The following BANK1 variants were observed in gnomAD, a reference collection of about 807,000 sequenced individuals.
BANK1 encodes B-cell scaffold protein with ankyrin repeats.
A neutral mutation model predicts 94.5 loss-of-function variants in BANK1; 95 were observed. The observed-to-expected ratio is 1.00, with a 90% CI of 0.85 to 1.19. The LOEUF is 1.19. Ranked by LOEUF, BANK1 falls within the 50% of genes most tolerant of loss-of-function variation. The probability of loss-of-function intolerance (pLI) is 0.00; values close to 1 mark genes in which losing one functional copy is unlikely to be tolerated. For missense variants in BANK1, 987 were observed against 932.2 expected, an observed-to-expected ratio of 1.06 and a Z score of -0.77; for synonymous variants, 334 against 308.4, an observed-to-expected ratio of 1.08 and a Z score of -0.87.
In BANK1 at chr4:101,829,915, T is replaced by C. The variant is rs146402279; in HGVS notation, c.178T>C (p.Tyr60His). Residue 60 changes from tyrosine to histidine, a missense_variant, in exon 2 of 17, where the codon TAT becomes CAT. Coordinates refer to ENST00000322953, the MANE Select transcript of BANK1 (RefSeq NM_017935.5). ...HVVKREAILLYRLENFSFRHL... is the reference protein window; with the variant it reads ...HVVKREAILLHRLENFSFRHL... ...TGTGAAAAGGGAAGCCATCCTGTTA[T>C]ATCGCTTGGAGAATTTCTCTTTTCG... 151 of 1,613,976 alleles carry C rather than the reference T, an allele frequency of 9.4e-5. No individual in the cohort carries two copies. The highest frequency in any genetic ancestry group is 1.2e-4 in the Non-Finnish European group (144 of 1,179,894).
intron 3 of BANK1, among the ~76,000 whole-genome samples, chr4:101,858,861 C>A (rs1285981321): frequency 6.6e-6 from 1 of 152,122 alleles, no homozygotes; most frequent in African/African-American, 2.4e-5. Flanking sequence ...TTTTATATGA[C>A]CTGTTCATTG....
At chr4:101,966,358 G>T (rs1724756145) in intron 7 of BANK1, among the ~76,000 whole-genome samples, 1 of 151,874 alleles carries the variant, frequency 6.6e-6, no homozygotes, top group Admixed American at 6.6e-5. Context: ...GCAAGGCATT[G>T]GTTTGTTATC....
At chr4:102,015,477 A>G (rs1041101802) in intron 7 of BANK1, among the ~76,000 whole-genome samples, 2 of 152,198 alleles carry the variant, frequency 1.3e-5, no homozygotes, top group Non-Finnish European at 2.9e-5. Context: ...TTTAATTTCA[A>G]ATATTCCAGA....
chr4:101,899,629 A>T (rs1722206804), intron 6 of BANK1, among the ~76,000 whole-genome samples: 1 of 152,124 alleles, frequency 6.6e-6, no homozygotes, highest in South Asian at 2.1e-4. Flanking sequence ...ATTTCCCCAG[A>T]TGTGAATTTT....
intron 2 of BANK1, among the ~76,000 whole-genome samples, chr4:101,850,601 G>A (rs1727436598): frequency 6.6e-6 from 1 of 152,018 alleles, no homozygotes; most frequent in African/African-American, 2.4e-5. Flanking sequence ...GCTTTTTTGT[G>A]CTACACAGAC....
intron 7 of BANK1, among the ~76,000 whole-genome samples, chr4:101,918,497 A>G (rs1309788662): frequency 6.6e-6 from 1 of 151,998 alleles, no homozygotes; most frequent in African/African-American, 2.4e-5. Context: ...ATTTCAGAAC[A>G]CTTTTTGAAG....
intron 1 of BANK1, among the ~76,000 whole-genome samples, chr4:101,809,272 C>T (rs984408701): frequency 2.0e-5 from 3 of 151,878 alleles, no homozygotes; most frequent in Non-Finnish European, 4.4e-5. Context: ...TGTTTGTTCT[C>T]AGTTATAAAT....
At chr4:101,950,658 A>G (rs926901335) in intron 7 of BANK1, among the ~76,000 whole-genome samples, 3 of 152,210 alleles carry the variant, frequency 2.0e-5, no homozygotes, top group Non-Finnish European at 2.9e-5. Flanking sequence ...TCTTAAATGT[A>G]AGCTGTACAT....
At chr4:101,964,483 G>A (rs1461079241) in intron 7 of BANK1, among the ~76,000 whole-genome samples, 2 of 151,926 alleles carry the variant, frequency 1.3e-5, no homozygotes, top group African/African-American at 4.8e-5. Context: ...GGGAAAAAAA[G>A]TGTTCATTTT....
chr4:101,851,700 G>A (rs371466760), intron 2 of BANK1, among the ~76,000 whole-genome samples: 3 of 152,302 alleles, frequency 2.0e-5, no homozygotes, highest in African/African-American at 7.2e-5. Context: ...AATTGCTGGA[G>A]TTAGCCCTTC....
chr4:101,795,440 G>A (rs1725123758), intron 1 of BANK1, among the ~76,000 whole-genome samples: 1 of 152,056 alleles, frequency 6.6e-6, no homozygotes, highest in African/African-American at 2.4e-5. Context: ...CTAGGATGGG[G>A]AGTGGAGAAA....
chr4:101,944,973 T>A (rs975387721), intron 7 of BANK1, among the ~76,000 whole-genome samples: 2 of 151,908 alleles, frequency 1.3e-5, no homozygotes, highest in African/African-American at 4.8e-5. Context: ...ATAGCAATAG[T>A]CAGGTCCTAG....
intron 6 of BANK1, among the ~76,000 whole-genome samples, chr4:101,907,996 A>T (rs1254573966): frequency 6.6e-6 from 1 of 152,170 alleles, no homozygotes; most frequent in African/African-American, 2.4e-5. Flanking sequence ...TAATTTATAG[A>T]TTCAATGCCA....
chr4:101,997,938 T>C (rs1016922620), intron 7 of BANK1, among the ~76,000 whole-genome samples: 2 of 152,170 alleles, frequency 1.3e-5, no homozygotes, highest in Admixed American at 1.3e-4. Context: ...CTGATCTTAG[T>C]TATTTCTTGT....
intron 10 of BANK1, among the ~76,000 whole-genome samples, chr4:102,043,504 T>C (rs899706483): frequency 6.6e-5 from 10 of 152,064 alleles, no homozygotes; most frequent in Non-Finnish European, 1.5e-4. Flanking sequence ...AATGGAATTT[T>C]TCATATGATT....
chr4:101,956,922 G>T (rs1020306083), intron 7 of BANK1, among the ~76,000 whole-genome samples: 1 of 152,088 alleles, frequency 6.6e-6, no homozygotes, highest in African/African-American at 2.4e-5. Context: ...TTAAAAATAG[G>T]GTCCTTGCCA....
At chr4:102,060,909 T>C (rs1034898228) in intron 12 of BANK1, among the ~76,000 whole-genome samples, 3 of 152,194 alleles carry the variant, frequency 2.0e-5, no homozygotes, top group Admixed American at 6.6e-5. Context: ...AAATATAACT[T>C]ACCTCCTGAG....
At chr4:101,911,608 T>C (rs1722668443) in intron 6 of BANK1, among the ~76,000 whole-genome samples, 2 of 152,300 alleles carry the variant, frequency 1.3e-5, no homozygotes, top group Middle Eastern at 6.8e-3. Flanking sequence ...GTAACCAGGT[T>C]AACCATAGAC....
chr4:101,976,172 T>C (rs1725119670), intron 7 of BANK1, among the ~76,000 whole-genome samples: 2 of 152,164 alleles, frequency 1.3e-5, no homozygotes, highest in Non-Finnish European at 2.9e-5. Context: ...GAATTAGAGA[T>C]ATTGCTCTTT....
Sources: allele counts gnomAD v4.1 joint callset (sites outside exome capture counted in the v4.1 genomes callset), GRCh38; gene constraint gnomAD v4.1.1; transcripts MANE v1.5; gene names NCBI Gene and HGNC (gene_info 2026-07-23, HGNC 2026-07-21).